Variants in PITPNC1 observed in about 807,000 individuals in gnomAD.
The protein encoded by PITPNC1 is phosphatidylinositol transfer protein cytoplasmic 1, also known as cytoplasmic phosphatidylinositol transfer protein 1.
PITPNC1 carries 18 observed loss-of-function variants against 44.7 expected under a neutral mutation model. The observed-to-expected ratio is 0.40, with a 90% CI of 0.28 to 0.60. The LOEUF (loss-of-function observed/expected upper bound fraction) is 0.60, where lower values mean the gene tolerates loss of function less well. Among genes scored for constraint, PITPNC1 ranks in the 20% least tolerant of loss-of-function variants. PITPNC1 has a pLI of 0.39. For synonymous variants in PITPNC1, 141 were observed against 149.6 expected (o/e 0.94, Z 0.42); for missense variants, 290 against 418.4 (o/e 0.69, Z 2.68).
At chr17:67,496,960 G>T (rs1465343443) in intron 1 of PITPNC1, among the ~76,000 whole-genome samples, 2 of 151,646 alleles carry the variant, frequency 1.3e-5, no homozygotes, top group East Asian at 3.9e-4. Context: ...CCTATACTGT[G>T]CATTTATAAA....
intron 8 of PITPNC1, among the ~76,000 whole-genome samples, chr17:67,682,241 T>C (rs2042722704): frequency 6.6e-6 from 1 of 152,122 alleles, no homozygotes; most frequent in Admixed American, 6.6e-5. Context: ...TGCCCATGAA[T>C]ACATGTACAA....
intron 1 of PITPNC1, among the ~76,000 whole-genome samples, chr17:67,497,281 G>T (rs1004222134): frequency 6.7e-6 from 1 of 149,960 alleles, no homozygotes; most frequent in African/African-American, 2.5e-5. Context: ...GTGCAATGGC[G>T]CAATCGTGGC....
At chr17:67,677,362 T>C (rs2042621187) in intron 8 of PITPNC1, among the ~76,000 whole-genome samples, 1 of 152,168 alleles carries the variant, frequency 6.6e-6, no homozygotes. Context: ...TTCTCTCTGT[T>C]GCCAGAGTGC....
At chr17:67,462,221 CTTTCT>C (rs1448007762) in intron 1 of PITPNC1, among the ~76,000 whole-genome samples, 6 of 86,498 alleles carry the variant, frequency 6.9e-5, no homozygotes, top group African/African-American at 2.3e-4. Flanking sequence ...CTCTTTCTTT[CTTTCT>C]TTTTTTTTTT....
At position 67,436,226 on chromosome 17, in the gene PITPNC1, C is replaced by T. The variant is rs948789150; in HGVS notation, c.48+58024C>T. Among the ~76,000 whole-genome samples, 27 of 152,048 alleles carry T rather than the reference C, an allele frequency of 1.8e-4. 1 individual carries two copies. Among genetic ancestry groups the T allele is most frequent in the African/African-American group, 6.0e-4 (25 of 41,384 alleles). ...TTCTTGCCCAGGCTGGTCTTAAATT[C>T]CTGGCCTCAAAGGATCCTCCTGCCT... is the stretch of plus-strand genomic sequence containing the variant. On this transcript the variant is annotated intron_variant, in intron 1 of 8. Transcript: ENST00000581322.
intron 1 of PITPNC1, among the ~76,000 whole-genome samples, chr17:67,378,731 C>G (rs2037910418): frequency 6.6e-6 from 1 of 152,216 alleles, no homozygotes. Context: ...GCCGTCGCCG[C>G]GGGCTTGGGC....
intron 6 of PITPNC1, among the ~76,000 whole-genome samples, chr17:67,662,240 G>T (rs1159230734): frequency 6.6e-6 from 1 of 152,054 alleles, no homozygotes; most frequent in Non-Finnish European, 1.5e-5. Context: ...TATCACCTGA[G>T]GTCGGGAGTT....
intron 1 of PITPNC1, among the ~76,000 whole-genome samples, chr17:67,455,167 T>C (rs1336311225): frequency 6.6e-6 from 1 of 152,184 alleles, no homozygotes; most frequent in Non-Finnish European, 1.5e-5. Flanking sequence ...TGCATACTGC[T>C]TTGTATCTTT....
chr17:67,518,389 C>T (rs1040324331), intron 1 of PITPNC1, among the ~76,000 whole-genome samples: 1 of 152,140 alleles, frequency 6.6e-6, no homozygotes, highest in African/African-American at 2.4e-5. Context: ...TGCCTTCCAG[C>T]CCCCTAAGAA....
At chr17:67,590,241 A>C (rs1261811861) in intron 5 of PITPNC1, among the ~76,000 whole-genome samples, 1 of 152,224 alleles carries the variant, frequency 6.6e-6, no homozygotes, top group Non-Finnish European at 1.5e-5. Context: ...ATTAAAACGA[A>C]ATAAATGAAC....
At chr17:67,664,067 G>C (rs1374254515) in intron 6 of PITPNC1, among the ~76,000 whole-genome samples, 1 of 152,070 alleles carries the variant, frequency 6.6e-6, no homozygotes, top group Non-Finnish European at 1.5e-5. Context: ...GATTCAAGCA[G>C]TTCTCCTTTC....
chr17:67,455,488 C>T (rs1327832639), intron 1 of PITPNC1, among the ~76,000 whole-genome samples: 3 of 152,032 alleles, frequency 2.0e-5, no homozygotes, highest in South Asian at 2.1e-4. Context: ...TGATGCAATC[C>T]CGGCTCACTG....
At chr17:67,633,364 C>T (rs72839412) in intron 6 of PITPNC1, among the ~76,000 whole-genome samples, 271 of 152,306 alleles carry the variant, frequency 1.8e-3, no homozygotes, top group Admixed American at 2.8e-3. Context: ...ACCAGGCTCC[C>T]GACGTGGTTC....
intron 1 of PITPNC1, among the ~76,000 whole-genome samples, chr17:67,410,904 G>A (rs2038486178): frequency 6.6e-6 from 1 of 151,786 alleles, no homozygotes; most frequent in Non-Finnish European, 1.5e-5. Flanking sequence ...CCAAGTTGGT[G>A]AAACCCCGTC....
intron 4 of PITPNC1, among the ~76,000 whole-genome samples, chr17:67,559,347 A>T (rs1298994020): frequency 6.6e-6 from 1 of 152,248 alleles, no homozygotes; most frequent in African/African-American, 2.4e-5. Context: ...GATGTAAGCT[A>T]AGAGGGTGAA....
At chr17:67,657,739 T>C (rs888984034) in intron 6 of PITPNC1, among the ~76,000 whole-genome samples, 61 of 152,220 alleles carry the variant, frequency 4.0e-4, no homozygotes, top group Non-Finnish European at 4.4e-4. Flanking sequence ...TTCTATACTT[T>C]TGTCACGCAA....
Position 67,692,694 on chromosome 17 carries a change from C to T in PITPNC1, c.805C>T (p.Arg269Cys), listed in dbSNP as rs752172631. ...CATCCCCCTGCTGCCTTCTTCCGTC[C>T]GCAGTGCGCCTTCTAGTGCTCCATC... Reference protein sequence around the residue: ...SSIPLLPSSVRSAPSSAPSTP... With the variant: ...SSIPLLPSSVCSAPSSAPSTP... The change falls in exon 9 of 9, where the codon CGC becomes TGC. Residue 269 changes from arginine to cysteine, a missense_variant. Arg to Cys is a radical substitution (Grantham distance 180). Coordinates refer to ENST00000581322, the MANE Select transcript of PITPNC1 (RefSeq NM_012417.4). The T allele has an allele frequency of 2.2e-5, 36 of 1,613,646 alleles. No individual in the cohort carries two copies. The East Asian group carries it at 4.7e-4, about 21-fold the overall frequency.
At chr17:67,619,201 T>G (rs79424528) in intron 5 of PITPNC1, among the ~76,000 whole-genome samples, 1,642 of 152,302 alleles carry the variant, frequency 0.011, 41 homozygotes, top group Admixed American at 0.044. Flanking sequence ...GATTGAACAG[T>G]TTAGGAGTCC....
At chr17:67,520,612 T>C (rs2040313400) in intron 1 of PITPNC1, among the ~76,000 whole-genome samples, 1 of 152,184 alleles carries the variant, frequency 6.6e-6, no homozygotes. Context: ...CTCTAGCATC[T>C]ACAGGGCTTG....
Sources: gnomAD v4.1 joint callset for allele counts (sites outside exome capture counted in the v4.1 genomes callset) on GRCh38, gnomAD v4.1.1 for gene constraint, MANE v1.5 for transcripts, NCBI Gene and HGNC (gene_info 2026-07-23, HGNC 2026-07-21) for gene names.